The following ADORA2B variants were observed in gnomAD, a reference collection of about 807,000 sequenced individuals.
ADORA2B encodes adenosine receptor A2b.
A neutral mutation model predicts 20.8 loss-of-function variants in ADORA2B; 18 were observed. That is an observed-to-expected ratio of 0.87 (90% CI 0.60 to 1.29). The LOEUF is 1.29. ADORA2B is among the 50% of genes most tolerant of loss of function. The pLI is 0.00. For synonymous variants in ADORA2B, 179 were observed against 178.3 expected (o/e 1.00, Z -0.03); for missense variants, 441 against 422.7 (o/e 1.04, Z -0.38).
the ADORA2B span, among the ~76,000 whole-genome samples, chr17:15,909,336 C>T: frequency 6.6e-6 from 1 of 152,178 alleles, no homozygotes; most frequent in South Asian, 2.1e-4. Context: ...ATGGGCCCTG[C>T]CTTTCAGGAA....
chr17:15,927,112 C>T, the ADORA2B span, among the ~76,000 whole-genome samples: 675 of 152,154 alleles, frequency 4.4e-3, 5 homozygotes, highest in African/African-American at 0.016. Context: ...TTTGGGAGGC[C>T]GAGGCAGGCA....
rs754401984 is a variant in ADORA2B, at chr17:15,975,327, C to T, written c.984C>T (p.Leu328=). The T allele has an allele frequency of 2.2e-5, 36 of 1,611,264 alleles. No homozygotes were observed. Among genetic ancestry groups the T allele is most frequent in the East Asian group, 1.1e-4 (5 of 44,884 alleles). The change falls in exon 2 of 2, where the codon CTC becomes CTT. Residue 328 remains leucine, a synonymous_variant. Coordinates refer to ENST00000304222, the MANE Select transcript of ADORA2B (RefSeq NM_000676.4). ...GNGQAGVQPA[L]GVGL Reference sequence around the variant, plus strand: ...GTCAGGCTGGGGTACAGCCTGCTCTCGGTGTGGGCCTATGATCTAGGCTCT... The same window carrying T: ...GTCAGGCTGGGGTACAGCCTGCTCTTGGTGTGGGCCTATGATCTAGGCTCT...
chr17:15,879,590 C>T, the ADORA2B span, among the ~76,000 whole-genome samples: 11 of 146,530 alleles, frequency 7.5e-5, no homozygotes, highest in African/African-American at 1.3e-4. Context: ...CAGGCTGGAG[C>T]GCAGTGGCAC....
At chr17:15,938,624 G>A in the ADORA2B span, among the ~76,000 whole-genome samples, 1 of 152,140 alleles carries the variant, frequency 6.6e-6, no homozygotes, top group South Asian at 2.1e-4. Context: ...TTATATCAGA[G>A]TTTCCCAGTA....
chr17:15,974,972 G>A lies in ADORA2B; in HGVS notation c.629G>A (p.Cys210Tyr). The change falls in exon 2 of 2, where the codon TGC (cysteine) becomes TAC (tyrosine). Residue 210 changes from cysteine (C) to tyrosine (Y), a missense_variant. Cys to Tyr is a radical substitution (Grantham distance 194, BLOSUM62 -2). Coordinates refer to ENST00000304222, the MANE Select transcript of ADORA2B (RefSeq NM_000676.4). Reference sequence around the variant, plus strand: ...TACATTAAGATCTTCCTGGTGGCCTGCAGGCAGCTTCAGCGCACTGAGCTG... The same window carrying A: ...TACATTAAGATCTTCCTGGTGGCCTACAGGCAGCTTCAGCGCACTGAGCTG... ...VIYIKIFLVA[C>Y]RQLQRTELMD... 6.2e-7 allele frequency: 1 copy of A among 1,614,178 alleles called. No individual in the cohort carries two copies. The highest frequency in any genetic ancestry group is 8.5e-7 in the Non-Finnish European group (1 of 1,180,048).
chr17:15,949,277 C>T (rs1312257840), intron 1 of ADORA2B, among the ~76,000 whole-genome samples: 3 of 151,956 alleles, frequency 2.0e-5, no homozygotes, highest in Non-Finnish European at 2.9e-5. Context: ...CTTTGGGAGG[C>T]CAAGGCGAAT....
chr17:15,866,688 T>TCTGCCTCTGCCTCTGCCGCTGCCG, the ADORA2B span, among the ~76,000 whole-genome samples: 3 of 78,824 alleles, frequency 3.8e-5, no homozygotes, highest in African/African-American at 1.4e-4. Flanking sequence ...TGGCTCTCCC[T>TCTGCCTCTGCCTCTGCCGCTGCCG]CTGCCTCTGC....
chr17:15,948,666 G>A (rs995517508), intron 1 of ADORA2B, among the ~76,000 whole-genome samples: 3 of 152,184 alleles, frequency 2.0e-5, no homozygotes, highest in African/African-American at 7.2e-5. Flanking sequence ...GAGGCCAGCT[G>A]TTTTCCTAGT....
rs759669984 is a variant in ADORA2B, at chr17:15,945,271, C to T, written c.23C>T (p.Ala8Val). The T allele has an allele frequency of 1.3e-6, 2 of 1,505,462 alleles. No homozygotes were observed. The highest frequency in any genetic ancestry group is 8.9e-7 in the Non-Finnish European group (1 of 1,129,470). 93.3% of individuals were successfully genotyped at this position (1,505,462 alleles called of 1,614,324 possible). Residue 8 changes from alanine (A) to valine (V), a missense_variant, in exon 1 of 2, where the codon GCG becomes GTG. Transcript: ENST00000304222. MLLETQD[A>V]LYVALELVIA... The stretch of plus-strand genomic sequence containing the variant: ...GCCATGCTGCTGGAGACACAGGACG[C>T]GCTGTACGTGGCGCTGGAGCTGGTC...
At chr17:15,916,493 G>A in the ADORA2B span, among the ~76,000 whole-genome samples, 1 of 151,392 alleles carries the variant, frequency 6.6e-6, no homozygotes, top group Non-Finnish European at 1.5e-5. Flanking sequence ...AGGGGGGTCC[G>A]CGTGAGAGGG....
chr17:15,952,061 C>T (rs1427755701), intron 1 of ADORA2B, among the ~76,000 whole-genome samples: 1 of 152,128 alleles, frequency 6.6e-6, no homozygotes, highest in Non-Finnish European at 1.5e-5. Context: ...CTGAAAAGGA[C>T]AGTGGCTGCC....
the ADORA2B span, among the ~76,000 whole-genome samples, chr17:15,923,206 A>ATTCT: frequency 9.7e-5 from 11 of 113,510 alleles, no homozygotes; most frequent in African/African-American, 4.0e-4. Context: ...TCTTTTTTTA[A>ATTCT]TTTTTTTTTT....
chr17:15,891,609 C>T, the ADORA2B span, among the ~76,000 whole-genome samples: 2 of 152,102 alleles, frequency 1.3e-5, no homozygotes, highest in Admixed American at 1.3e-4. Context: ...CAGAGAGATC[C>T]TGGGAATGAG....
the ADORA2B span, among the ~76,000 whole-genome samples, chr17:15,857,011 C>A: frequency 6.6e-6 from 1 of 152,280 alleles, no homozygotes; most frequent in Middle Eastern, 3.4e-3. Flanking sequence ...CATCACAGGC[C>A]CAGTGACCTA....
chr17:15,908,898 C>G, the ADORA2B span, among the ~76,000 whole-genome samples: 2 of 152,088 alleles, frequency 1.3e-5, no homozygotes, highest in Admixed American at 6.6e-5. Flanking sequence ...AGACCAAGAC[C>G]CCACCCACAG....
chr17:15,896,266 C>T, the ADORA2B span, among the ~76,000 whole-genome samples: 9 of 151,988 alleles, frequency 5.9e-5, no homozygotes, highest in African/African-American at 2.2e-4. Context: ...GGATTATCTA[C>T]CAGAACTTGA....
the ADORA2B span, among the ~76,000 whole-genome samples, chr17:15,883,772 C>T: frequency 5.3e-5 from 8 of 152,098 alleles, no homozygotes; most frequent in African/African-American, 1.7e-4. Flanking sequence ...TGTGTAGAGA[C>T]GTGCTTAGGA....
At chr17:15,868,234 C>T in the ADORA2B span, among the ~76,000 whole-genome samples, 1 of 136,528 alleles carries the variant, frequency 7.3e-6, no homozygotes, top group Non-Finnish European at 1.6e-5. Flanking sequence ...ACAAACACTG[C>T]GGAAGGCTGC....
chr17:15,945,610 CG>C, intron 1 of ADORA2B, 27 bp downstream of exon 1: 1 of 1,449,300 alleles, frequency 6.9e-7, no homozygotes. Context: ...CGCCCGAACT[CG>C]GGGCCCCGTC....
Sources: allele counts gnomAD v4.1 joint callset (sites outside exome capture counted in the v4.1 genomes callset), GRCh38; gene constraint gnomAD v4.1.1; transcripts MANE v1.5; gene names NCBI Gene and HGNC (gene_info 2026-07-23, HGNC 2026-07-21).